AMN1: variants seen among roughly 807,000 people sequenced by gnomAD.
AMN1 encodes the protein protein AMN1 homolog.
In AMN1, 20 loss-of-function variants were observed where a neutral mutation model predicts 33.0. That is an observed-to-expected ratio of 0.61 (90% CI 0.43 to 0.88). AMN1 has a LOEUF of 0.88. AMN1 is among the 40% of genes least tolerant of loss of function. The pLI is 0.00. For missense variants in AMN1, 246 were observed against 307.4 expected (o/e 0.80, Z 1.49); for synonymous variants, 114 against 111.9 (o/e 1.02, Z -0.12).
intron 1 of AMN1, among the ~76,000 whole-genome samples, chr12:31,723,217 A>G (rs1485963039): frequency 2.0e-5 from 3 of 151,896 alleles, no homozygotes; most frequent in Non-Finnish European, 4.4e-5. Flanking sequence ...CACACACACA[A>G]ACACACACGC....
At chr12:31,702,844 T>C (rs1263324459) in intron 2 of AMN1, among the ~76,000 whole-genome samples, 2 of 152,196 alleles carry the variant, frequency 1.3e-5, no homozygotes, top group African/African-American at 4.8e-5. Context: ...TTCAAGCGAT[T>C]CTCCTGCCTC....
rs1345308297 is a variant in AMN1 at position 31,728,951 on chromosome 12, G to A, written c.38+20C>T. ...AGGTGCTGGGGCGGCGCGAAGGGAGGCGGGACAGGGTAGACTCACAGATCC... is the reference window on the plus strand; with the variant it reads ...AGGTGCTGGGGCGGCGCGAAGGGAGACGGGACAGGGTAGACTCACAGATCC... On this transcript the variant is annotated intron_variant, in intron 1 of 6. Transcript: ENST00000281471. 5 of 1,541,216 alleles carry A rather than the reference G, an allele frequency of 3.2e-6. No individual in the cohort carries two copies. Among genetic ancestry groups the A allele is most frequent in the East Asian group, 4.9e-5 (2 of 40,546 alleles).
intron 1 of AMN1, chr12:31,715,311 C>CG (rs1281031307): frequency 4.8e-6 from 1 of 206,712 alleles, no homozygotes. Context: ...GGAAGAAGAG[C>CG]GGGGAGAAAG....
chr12:31,691,210 G>C (rs1390059196), intron 5 of AMN1, among the ~76,000 whole-genome samples: 1 of 151,062 alleles, frequency 6.6e-6, no homozygotes, highest in Non-Finnish European at 1.5e-5. Context: ...ACTATGCTAA[G>C]TGAAGGAAGT....
intron 2 of AMN1, among the ~76,000 whole-genome samples, chr12:31,703,763 T>C (rs1939106706): frequency 6.6e-6 from 1 of 152,234 alleles, no homozygotes. Flanking sequence ...TTCCATTTTC[T>C]GCAAGTATCA....
intron 6 of AMN1, among the ~76,000 whole-genome samples, chr12:31,680,345 C>T (rs1040661907): frequency 3.3e-5 from 5 of 151,722 alleles, no homozygotes; most frequent in Admixed American, 6.6e-5. Flanking sequence ...GGATTATAGG[C>T]ACCCGTCACC....
chr12:31,702,341 A>ACTCT (rs1490484234), intron 2 of AMN1, among the ~76,000 whole-genome samples: 3 of 151,638 alleles, frequency 2.0e-5, no homozygotes, highest in Non-Finnish European at 4.4e-5. Flanking sequence ...GGCATTAGAG[A>ACTCT]CTCTCCCTAT....
chr12:31,698,781 G>C (rs1938850729), intron 3 of AMN1, among the ~76,000 whole-genome samples: 1 of 151,680 alleles, frequency 6.6e-6, no homozygotes, highest in Admixed American at 6.6e-5. Flanking sequence ...ATTTATCAGT[G>C]TCCAGCATGG....
In AMN1 at chr12:31,686,190, A is replaced by T. The variant is rs750686052; in HGVS notation, c.703+2817T>A. Among the ~76,000 whole-genome samples, 13 of 152,116 alleles carry T rather than the reference A, an allele frequency of 8.5e-5. 1 individual carries two copies. The highest frequency in any genetic ancestry group is 8.8e-5 in the Non-Finnish European group (6 of 68,010). ...GCCAGGCATGGTGATTCATGCCTGT[A>T]ATCCCAGCACTTTGGGAGACTGAGC... On this transcript the variant is annotated intron_variant, in intron 6 of 6. Transcript: ENST00000281471.
chr12:31,709,936 C>A (rs1286461638), intron 1 of AMN1, among the ~76,000 whole-genome samples: 1 of 152,186 alleles, frequency 6.6e-6, no homozygotes, highest in East Asian at 1.9e-4. Context: ...TCTTCCTCTA[C>A]AATTTTTTTC....
chr12:31,716,050 C>T (rs182707858), intron 1 of AMN1, among the ~76,000 whole-genome samples: 3 of 152,158 alleles, frequency 2.0e-5, no homozygotes, highest in African/African-American at 7.2e-5. Context: ...TCTCTTTATC[C>T]GTATTCATGT....
chr12:31,694,434 C>G (rs1363442395), intron 5 of AMN1, among the ~76,000 whole-genome samples: 2 of 124,760 alleles, frequency 1.6e-5, no homozygotes, highest in Non-Finnish European at 3.3e-5. Flanking sequence ...AAGAGCGAAA[C>G]TCTGTCTCAA....
chr12:31,691,623 G>C lies in AMN1; in HGVS notation c.592-2505C>G, dbSNP rs1309401587. 7.2e-5 allele frequency among the ~76,000 whole-genome samples: 11 copies of C among 152,004 alleles called. No individual in the cohort carries two copies. The East Asian group carries it at 2.1e-3, about 29-fold the overall frequency. ...AATTTTGAATAACAAATTGTAAAGG[G>C]ACATATATTATGAAGCTATTATGTA... On this transcript the variant is annotated intron_variant, in intron 5 of 6. Transcript: ENST00000281471.
In AMN1 at chr12:31,686,538, G is replaced by A. The variant is rs76919333; in HGVS notation, c.703+2469C>T. 7.7e-3 allele frequency among the ~76,000 whole-genome samples: 1,168 copies of A among 152,238 alleles called. 7 individuals carry two copies. The highest frequency in any genetic ancestry group is 0.013 in the Non-Finnish European group (875 of 67,994). On this transcript the variant is annotated intron_variant, in intron 6 of 6. Coordinates refer to ENST00000281471, the MANE Select transcript of AMN1 (RefSeq NM_001113402.2). ...TTACACCCTGACAAACTCATAAGTC[G>A]AAAATACACAAAGTCGAAAATGTGT... is the stretch of plus-strand genomic sequence containing the variant.
chr12:31,685,856 T>A (rs1938241039), intron 6 of AMN1, among the ~76,000 whole-genome samples: 1 of 123,010 alleles, frequency 8.1e-6, no homozygotes, highest in South Asian at 3.0e-4. Flanking sequence ...TTTGTTATTA[T>A]TTTTTTTTTT....
intron 1 of AMN1, among the ~76,000 whole-genome samples, chr12:31,713,899 T>G (rs11051544): frequency 0.53 from 80,168 of 151,924 alleles, 21,163 homozygotes; most frequent in Middle Eastern, 0.58. Flanking sequence ...TTTTATATAC[T>G]CGACTGGTTT....
chr12:31,681,093 G>A (rs555358157), intron 6 of AMN1, among the ~76,000 whole-genome samples: 1 of 152,172 alleles, frequency 6.6e-6, no homozygotes, highest in Non-Finnish European at 1.5e-5. Context: ...AGTGATCTGG[G>A]TAGTTAAAAT....
In AMN1 at chr12:31,689,081, C is replaced by G. The variant is rs1938392719; in HGVS notation, c.629G>C (p.Gly210Ala). Residue 210 changes from glycine (G) to alanine (A), a missense_variant, in exon 6 of 7, where the codon GGG becomes GCG. Coordinates refer to ENST00000281471, the MANE Select transcript of AMN1 (RefSeq NM_001113402.2). ...HMGHCVNLTD[G>A]AVEAVLTYCP... The stretch of plus-strand genomic sequence containing the variant: ...GTAAGTAAGGACAGCTTCGACAGCC[C>G]CATCAGTCAGATTTACACAATGTCC... The G allele has an allele frequency of 6.2e-7, 1 of 1,613,122 alleles. No individual in the cohort carries two copies. Among genetic ancestry groups the G allele is most frequent in the Non-Finnish European group, 8.5e-7 (1 of 1,179,550 alleles).
At chr12:31,697,514 TC>T in intron 4 of AMN1, 97 bp from the exon 5 acceptor site, 1 of 1,222,540 alleles carries the variant, frequency 8.2e-7, no homozygotes. Flanking sequence ...TCTTAATGCC[TC>T]CCATTCATCA....
Sources: gnomAD v4.1 joint callset for allele counts (sites outside exome capture counted in the v4.1 genomes callset) on GRCh38, gnomAD v4.1.1 for gene constraint, MANE v1.5 for transcripts, NCBI Gene and HGNC (gene_info 2026-07-23, HGNC 2026-07-21) for gene names.